CEP120: variants seen among roughly 807,000 people sequenced by gnomAD.
CEP120 encodes centrosomal protein of 120 kDa.
CEP120 carries 113 observed loss-of-function variants against 126.5 expected under a neutral mutation model. The ratio of observed to expected loss-of-function variants is 0.89; its 90% CI spans 0.77 to 1.04. CEP120 has a LOEUF of 1.04. Among genes scored for constraint, CEP120 ranks in the 50% least tolerant of loss-of-function variants. The pLI is 0.00. For missense variants in CEP120, 1,230 were observed against 1,155.7 expected (o/e 1.06, Z -0.93); for synonymous variants, 400 against 394.3 (o/e 1.01, Z -0.17).
intron 18 of CEP120, among the ~76,000 whole-genome samples, chr5:123,363,070 G>T (rs1009819989): frequency 6.6e-6 from 1 of 151,342 alleles, no homozygotes; most frequent in South Asian, 2.1e-4. Flanking sequence ...CTTAGAAAAC[G>T]GGCCCTCCTC....
chr5:123,370,508 G>T (rs1770777519), intron 17 of CEP120, among the ~76,000 whole-genome samples: 1 of 151,334 alleles, frequency 6.6e-6, no homozygotes, highest in Non-Finnish European at 1.5e-5. Context: ...ATAAGTTCTT[G>T]CTCTGTCACC....
chr5:123,360,698 G>A (rs2126993430), intron 18 of CEP120, among the ~76,000 whole-genome samples: 1 of 151,944 alleles, frequency 6.6e-6, no homozygotes, highest in East Asian at 1.9e-4. Context: ...ATAGAAAATG[G>A]ATTAAATGGA....
At chr5:123,388,232 A>G in intron 9 of CEP120, 200 bp downstream of exon 9, 1 of 345,092 alleles carries the variant, frequency 2.9e-6, no homozygotes, top group Non-Finnish European at 5.2e-6. Context: ...ATATCAGAAT[A>G]ATAAGACAGT....
chr5:123,390,979 T>C, intron 7 of CEP120, 131 bp downstream of exon 7: 1 of 667,582 alleles, frequency 1.5e-6, no homozygotes, highest in Non-Finnish European at 2.6e-6. Flanking sequence ...GGAGGTATCA[T>C]ATAACAAAGG....
At chr5:123,356,996 G>A (rs952835799) in intron 18 of CEP120, among the ~76,000 whole-genome samples, 1 of 152,026 alleles carries the variant, frequency 6.6e-6, no homozygotes, top group Non-Finnish European at 1.5e-5. Flanking sequence ...GACAAATTCT[G>A]CCAATTTTTG....
chr5:123,388,197 GTTA>G (rs917873546), intron 9 of CEP120: 3 of 269,798 alleles, frequency 1.1e-5, no homozygotes, highest in Admixed American at 5.2e-5. Flanking sequence ...CTTAGAATAA[GTTA>G]TTATAAATGC....
intron 4 of CEP120, chr5:123,401,450 TC>T: frequency 2.3e-6 from 3 of 1,301,422 alleles, no homozygotes; most frequent in South Asian, 2.4e-5. Flanking sequence ...CCGCAGGTTA[TC>T]CCCATGCTTC....
chr5:123,356,182 A>G (rs540190306), intron 18 of CEP120, among the ~76,000 whole-genome samples: 1 of 152,236 alleles, frequency 6.6e-6, no homozygotes, highest in Non-Finnish European at 1.5e-5. Flanking sequence ...TGGTTACTGT[A>G]GCCTTGTAGT....
chr5:123,358,755 G>A (rs1769846996), intron 18 of CEP120, among the ~76,000 whole-genome samples: 2 of 152,032 alleles, frequency 1.3e-5, no homozygotes, highest in South Asian at 4.1e-4. Context: ...AGGTGCTCTG[G>A]GTTAAAGGCT....
At chr5:123,407,257 C>G (rs1680033242) in intron 4 of CEP120, among the ~76,000 whole-genome samples, 1 of 151,976 alleles carries the variant, frequency 6.6e-6, no homozygotes, top group African/African-American at 2.4e-5. Context: ...ATTCATGCAA[C>G]TATATTAATA....
intron 17 of CEP120, among the ~76,000 whole-genome samples, chr5:123,372,304 A>G (rs919091703): frequency 6.6e-6 from 1 of 152,082 alleles, no homozygotes; most frequent in Non-Finnish European, 1.5e-5. Context: ...GAGCAACCGA[A>G]GTAGACTGTT....
chr5:123,353,592 C>T (rs1361857643), intron 18 of CEP120, among the ~76,000 whole-genome samples: 2 of 151,350 alleles, frequency 1.3e-5, no homozygotes, highest in East Asian at 1.9e-4. Context: ...AAAATGTTTA[C>T]TAAAATTCAA....
intron 18 of CEP120, among the ~76,000 whole-genome samples, chr5:123,354,928 C>T (rs1451466026): frequency 7.9e-5 from 12 of 151,768 alleles, no homozygotes; most frequent in African/African-American, 2.7e-4. Flanking sequence ...AATGCTATCC[C>T]TCCCCACTCC....
intron 5 of CEP120, among the ~76,000 whole-genome samples, chr5:123,395,543 G>C (rs1012711620): frequency 1.3e-5 from 2 of 152,090 alleles, no homozygotes; most frequent in Admixed American, 6.5e-5. Context: ...TCACAAATCT[G>C]CTTGTAGGAA....
At position 123,378,280 on chromosome 5, in the gene CEP120, T is replaced by C. The variant is rs187162300; in HGVS notation, c.2196+56A>G. The C allele has an allele frequency of 3.8e-6, 5 of 1,302,648 alleles. No individual in the cohort carries two copies. In the East Asian group the frequency reaches 1.2e-4, roughly 31 times the overall value. 80.7% of individuals were successfully genotyped at this position (1,302,648 alleles called of 1,614,324 possible). A position where few individuals can be genotyped will look rare whatever the true frequency, so the allele number is the denominator to read the frequency against. ...CATCTAACTTTTAAAATAGTATTTC[T>C]ACTTTGCAATAAACCCCTCTATGCT... On this transcript the variant is annotated intron_variant, in intron 15 of 19. Coordinates refer to ENST00000306467, the MANE Select transcript of CEP120 (RefSeq NM_001375405.1).
At chr5:123,347,272 T>C (rs1768893680) in intron 19 of CEP120, among the ~76,000 whole-genome samples, 2 of 152,202 alleles carry the variant, frequency 1.3e-5, no homozygotes, top group South Asian at 4.1e-4. Flanking sequence ...CATTTAGTCA[T>C]CCTTTATTAT....
intron 4 of CEP120, among the ~76,000 whole-genome samples, chr5:123,411,315 G>A (rs1368254787): frequency 6.6e-6 from 1 of 152,156 alleles, no homozygotes; most frequent in Non-Finnish European, 1.5e-5. Flanking sequence ...ATGATCCAAT[G>A]ACTGCAATCC....
chr5:123,383,145 A>T (rs1426591596), intron 11 of CEP120, 63 bp from the exon 12 acceptor site: 4 of 993,322 alleles, frequency 4.0e-6, no homozygotes, highest in Middle Eastern at 3.0e-4. Context: ...TTTTCCTTTT[A>T]TTTCCCCAGT....
chr5:123,407,325 G>T (rs1773763494), intron 4 of CEP120, among the ~76,000 whole-genome samples: 1 of 151,704 alleles, frequency 6.6e-6, no homozygotes, highest in African/African-American at 2.4e-5. Context: ...TGTCAGAGTG[G>T]ACCAAAAAAC....
Sources: gnomAD v4.1 joint callset for allele counts (sites outside exome capture counted in the v4.1 genomes callset) on GRCh38, gnomAD v4.1.1 for gene constraint, MANE v1.5 for transcripts, NCBI Gene and HGNC (gene_info 2026-07-23, HGNC 2026-07-21) for gene names.